The following PUS7L variants were observed in gnomAD, a reference collection of about 807,000 sequenced individuals.
PUS7L encodes the protein pseudouridylate synthase PUS7L.
Under a neutral mutation model 51.1 loss-of-function variants are expected in PUS7L, and 49 were observed. That is an observed-to-expected ratio of 0.96 (90% CI 0.76 to 1.22). The LOEUF (loss-of-function observed/expected upper bound fraction) is 1.22. Ranked by LOEUF, PUS7L falls within the 50% of genes most tolerant of loss-of-function variation. The probability of loss-of-function intolerance (pLI) is 0.00; values close to 1 mark genes in which losing one functional copy is unlikely to be tolerated. For synonymous variants in PUS7L, 277 were observed against 276.2 expected (o/e 1.00, Z -0.03); for missense variants, 828 against 820.6 (o/e 1.01, Z -0.11).
At chr12:43,740,055 A>C (rs375830211) in intron 5 of PUS7L, among the ~76,000 whole-genome samples, 1 of 152,284 alleles carries the variant, frequency 6.6e-6, no homozygotes, top group East Asian at 1.9e-4. Context: ...TTGTGCCCTC[A>C]ATTTCCTAAA....
At chr12:43,757,317 C>T (rs1005387407) in intron 1 of PUS7L, among the ~76,000 whole-genome samples, 10 of 151,984 alleles carry the variant, frequency 6.6e-5, no homozygotes, top group East Asian at 1.9e-4. Context: ...ACCACAGGGG[C>T]GCGCCACCAC....
intron 4 of PUS7L, among the ~76,000 whole-genome samples, chr12:43,745,802 C>G (rs888329496): frequency 7.0e-6 from 1 of 143,726 alleles, no homozygotes; most frequent in African/African-American, 2.6e-5. Context: ...CTCTGGAGGA[C>G]ACCATATCCT....
Position 43,730,462 on chromosome 12 carries a change from CTG to C in PUS7L, c.2018_2019del (p.Thr673SerfsTer9), listed in dbSNP as rs767167110. 13 of 1,613,788 alleles carry C rather than the reference CTG, an allele frequency of 8.1e-6. No homozygotes were observed. In the South Asian group the frequency reaches 1.3e-4, roughly 16 times the overall value. ...TCAAAAGAGATCAAAAGAGACAAAG[CTG>C]TTTCATCAATGTGGGAACCTTTCGT... Reference protein sequence around the residue: ...VKTKGSHIDETALSLLISFDL... With the variant: ...VKTKGSHIDEXALSLLISFDL... On this transcript the variant is annotated frameshift_variant, in exon 9 of 9. Transcript: ENST00000344862. LOFTEE classifies it high-confidence loss of function.
intron 4 of PUS7L, among the ~76,000 whole-genome samples, chr12:43,743,487 G>T (rs1938003560): frequency 6.6e-6 from 1 of 152,238 alleles, no homozygotes; most frequent in Non-Finnish European, 1.5e-5. Flanking sequence ...TTGCAGGCCA[G>T]GCTCAGTGGC....
chr12:43,754,480 G>A lies in PUS7L; in HGVS notation c.766C>T (p.Leu256Phe), dbSNP rs138208104. The A allele has an allele frequency of 2.2e-5, 35 of 1,613,868 alleles. No homozygotes were observed. Among genetic ancestry groups the A allele is most frequent in the Middle Eastern group, 3.3e-4 (2 of 6,060 alleles). Residue 256 changes from leucine to phenylalanine, a missense_variant, in exon 2 of 9, where the codon CTT becomes TTT. Leu to Phe is a conservative substitution (Grantham distance 22). Transcript: ENST00000344862. ...HHFVNKKFGN[L>F]VETKSFSKMN... is the part of the protein sequence containing the mutation. ...TTAGAAAAAGATTTGGTTTCCACAAGGTTTCCAAACTTTTTGTTGACAAAA... is the reference window on the plus strand; with the variant it reads ...TTAGAAAAAGATTTGGTTTCCACAAAGTTTCCAAACTTTTTGTTGACAAAA...
intron 2 of PUS7L, among the ~76,000 whole-genome samples, chr12:43,753,206 C>A (rs1938539777): frequency 6.6e-6 from 1 of 152,236 alleles, no homozygotes; most frequent in South Asian, 2.1e-4. Context: ...GTAACTATTA[C>A]ATAGTAAACA....
intron 2 of PUS7L, among the ~76,000 whole-genome samples, chr12:43,752,886 G>A (rs1385332392): frequency 6.6e-6 from 1 of 152,096 alleles, no homozygotes; most frequent in Non-Finnish European, 1.5e-5. Flanking sequence ...TTTATGTTAT[G>A]TATATTTTAA....
At chr12:43,751,866 G>T (rs12227756) in intron 2 of PUS7L, among the ~76,000 whole-genome samples, 1 of 152,120 alleles carries the variant, frequency 6.6e-6, no homozygotes, top group East Asian at 1.9e-4. Context: ...CCTGTCACCT[G>T]TTTCCTGACT....
At chr12:43,748,357 G>T in intron 3 of PUS7L, 93 bp downstream of exon 3, 1 of 751,750 alleles carries the variant, frequency 1.3e-6, no homozygotes, top group Non-Finnish European at 2.1e-6. Flanking sequence ...ATGCATATTT[G>T]AATGCAGTAC....
chr12:43,746,914 T>A (rs1412021855), intron 3 of PUS7L, among the ~76,000 whole-genome samples: 1 of 152,224 alleles, frequency 6.6e-6, no homozygotes, highest in Admixed American at 6.5e-5. Flanking sequence ...ATTAAAGTAA[T>A]CTCTCTTCCT....
intron 2 of PUS7L, among the ~76,000 whole-genome samples, chr12:43,750,761 C>T (rs186296186): frequency 2.4e-4 from 36 of 152,254 alleles, no homozygotes; most frequent in African/African-American, 7.2e-4. Flanking sequence ...CTAAAATACT[C>T]TAATTTTCTG....
intron 4 of PUS7L, among the ~76,000 whole-genome samples, chr12:43,745,741 T>A (rs1422815744): frequency 2.2e-5 from 3 of 138,752 alleles, no homozygotes; most frequent in Non-Finnish European, 4.9e-5. Flanking sequence ...CTACTCTATA[T>A]AGCAGATGCT....
In PUS7L at chr12:43,746,113, A is replaced by T. The variant is rs764143315; in HGVS notation, c.1196T>A (p.Leu399Ter). ...GNHFDIVIRN[L>*]KKQINDSANL... ...TGCAGAATCATTTATTTGTTTTTTT[A>T]AATTTCTAATGACAATATCAAAGTG... The change falls in exon 4 of 9, where the codon TTA (leucine) becomes TAA (stop). Residue 399 changes from leucine (L) to a stop codon, truncating the protein, a stop_gained. Coordinates refer to ENST00000344862, the MANE Select transcript of PUS7L (RefSeq NM_031292.5). LOFTEE classifies it high-confidence loss of function. 8 of 1,524,830 alleles carry T rather than the reference A, an allele frequency of 5.2e-6. No homozygotes were observed. The highest frequency in any genetic ancestry group is 1.7e-5 in the Admixed American group (1 of 58,322). 94.5% of individuals were successfully genotyped at this position (1,524,830 alleles called of 1,614,324 possible). A position where few individuals can be genotyped will look rare whatever the true frequency, so the allele number is the denominator to read the frequency against.
Position 43,754,456 on chromosome 12 carries a change from T to C in PUS7L, c.790A>G (p.Lys264Glu), listed in dbSNP as rs1057190. Residue 264 changes from lysine to glutamate, a missense_variant, in exon 2 of 9, where the codon AAA (lysine) becomes GAA (glutamate). By Grantham distance (56) the Lys-to-Glu change is moderately conservative. Transcript: ENST00000344862. ...GGATTACCAGCACTGCAATTCATTT[T>C]AGAAAAAGATTTGGTTTCCACAAGG... ...GNLVETKSFS[K>E]MNCSAGNPNV... The C allele has an allele frequency of 0.13, 213,648 of 1,613,506 alleles. 20,851 individuals carry two copies. The highest frequency in any genetic ancestry group is 0.52 in the African/African-American group (38,878 of 74,914).
chr12:43,748,761 G>A, intron 2 of PUS7L, 152 bp from the exon 3 acceptor site: 3 of 690,880 alleles, frequency 4.3e-6, no homozygotes, highest in Non-Finnish European at 6.9e-6. Flanking sequence ...GTGTCACTCT[G>A]TCACCAGGCT....
In PUS7L at chr12:43,726,059, T is replaced by C. The variant is rs1226268236; in HGVS notation, c.*4317A>G. 1 of 152,140 alleles carries C rather than the reference T, an allele frequency of 6.6e-6. No homozygotes were observed. Among genetic ancestry groups the C allele is most frequent in the Non-Finnish European group, 1.5e-5 (1 of 68,024 alleles). 9.4% of individuals were successfully genotyped at this position (152,140 alleles called of 1,614,324 possible). On this transcript the variant is annotated 3_prime_UTR_variant, in exon 9 of 9. Transcript: ENST00000344862. ...CTAACCGACTCCCAGGCACTACTGC[T>C]AGCTCAGCGTCAAACAACCTTGGCA...
Position 43,730,433 on chromosome 12 carries a change from AAGATCAAAAG to A in PUS7L, c.2039_2048del (p.Ser680LeufsTer11), listed in dbSNP as rs759565510. 21 of 1,613,830 alleles carry A rather than the reference AAGATCAAAAG, an allele frequency of 1.3e-5. No homozygotes were observed. The Admixed American group carries it at 2.5e-4, about 19-fold the overall frequency. ...AAACGGTAGCATAGCATGAAGCATCAAGATCAAAAGAGATCAAAAGAGACAAAGCTGTTTC... is the reference window on the plus strand; with the variant it reads ...AAACGGTAGCATAGCATGAAGCATCAAGATCAAAAGAGACAAAGCTGTTTC... On this transcript the variant is annotated frameshift_variant, in exon 9 of 9. Coordinates refer to ENST00000344862, the MANE Select transcript of PUS7L (RefSeq NM_031292.5). LOFTEE classifies it high-confidence loss of function.
rs1250391270 is a variant in PUS7L at position 43,725,323 on chromosome 12, A to G, written c.*5053T>C. 2 of 152,214 alleles carry G rather than the reference A, an allele frequency of 1.3e-5. No individual in the cohort carries two copies. Among genetic ancestry groups the G allele is most frequent in the Non-Finnish European group, 2.9e-5 (2 of 68,040 alleles). The allele number at this position is 152,214 out of a possible 1,614,324, so 9.4% of individuals were successfully genotyped here. On this transcript the variant is annotated 3_prime_UTR_variant, in exon 9 of 9. Transcript: ENST00000344862. ...ACTTTATATTTTGGTCTCAGAATCA[A>G]AAGGTATCTTGTCTCTCCCAAGACA...
In PUS7L at chr12:43,755,072, A is replaced by G. The variant is rs766350818; in HGVS notation, c.174T>C (p.Ser58=). 6.2e-7 allele frequency: 1 copy of G among 1,613,594 alleles called. No homozygotes were observed. The highest frequency in any genetic ancestry group is 1.1e-5 in the South Asian group (1 of 91,022). The change falls in exon 2 of 9, where the codon AGT becomes AGC. Residue 58 remains serine, a synonymous_variant. Coordinates refer to ENST00000344862, the MANE Select transcript of PUS7L (RefSeq NM_031292.5). ...KTIDEPIFKI[S]EIQLEPNNFP... ...AATTATTTGGCTCAAGTTGTATTTCACTAATCTTGAAAATAGGCTCATCGA... is the reference window on the plus strand; with the variant it reads ...AATTATTTGGCTCAAGTTGTATTTCGCTAATCTTGAAAATAGGCTCATCGA...
Sources: allele counts gnomAD v4.1 joint callset (sites outside exome capture counted in the v4.1 genomes callset), GRCh38; gene constraint gnomAD v4.1.1; transcripts MANE v1.5; gene names NCBI Gene and HGNC (gene_info 2026-07-23, HGNC 2026-07-21).